The following ATP6V1C2 variants were observed in gnomAD, a reference collection of about 807,000 sequenced individuals.
ATP6V1C2 encodes the protein ATPase H+ transporting V1 subunit C2.
A neutral mutation model predicts 56.8 loss-of-function variants in ATP6V1C2; 45 were observed. The ratio of observed to expected loss-of-function variants is 0.79; its 90% CI spans 0.62 to 1.02. The LOEUF is 1.02. Among genes scored for constraint, ATP6V1C2 ranks in the 50% least tolerant of loss-of-function variants. The probability of loss-of-function intolerance (pLI) is 0.00; values close to 1 mark genes in which losing one functional copy is unlikely to be tolerated. For synonymous variants in ATP6V1C2, 220 were observed against 201.3 expected (o/e 1.09, Z -0.79); for missense variants, 463 against 519.7 (o/e 0.89, Z 1.06).
intron 3 of ATP6V1C2, among the ~76,000 whole-genome samples, chr2:10,735,537 C>T (rs1219119181): frequency 1.3e-5 from 2 of 151,350 alleles, no homozygotes; most frequent in African/African-American, 2.4e-5. Context: ...TGGGCTGGAG[C>T]TCTAGAGAAT....
At position 10,768,859 on chromosome 2, in the gene ATP6V1C2, G is replaced by A. The variant is rs536806074; in HGVS notation, c.470+49G>A. ...TCTGGCGGGGGCAGGTCCTGGCGGG[G>A]GCTTAGCGCTTGCCTGTCCTCTCAC... On this transcript the variant is annotated intron_variant, in intron 6 of 13. Coordinates refer to ENST00000272238, the MANE Select transcript of ATP6V1C2 (RefSeq NM_001039362.2). 7.3e-6 allele frequency: 11 copies of A among 1,515,764 alleles called. No homozygotes were observed. The East Asian group carries it at 2.5e-4, about 34-fold the overall frequency. The allele number at this position is 1,515,764 out of a possible 1,614,324, so 93.9% of individuals were successfully genotyped here. A position where few individuals can be genotyped will look rare whatever the true frequency, so the allele number is the denominator to read the frequency against.
chr2:10,731,292 T>C (rs531423836), intron 3 of ATP6V1C2, among the ~76,000 whole-genome samples: 1 of 152,318 alleles, frequency 6.6e-6, no homozygotes, highest in African/African-American at 2.4e-5. Flanking sequence ...TTTGGCTCTC[T>C]CATTCATAAA....
chr2:10,758,441 A>G lies in ATP6V1C2; in HGVS notation c.283+4375A>G, dbSNP rs1299240227. 1.4e-4 allele frequency among the ~76,000 whole-genome samples: 21 copies of G among 152,220 alleles called. No homozygotes were observed. In the East Asian group the frequency reaches 3.9e-3, roughly 28 times the overall value. Reference sequence around the variant, plus strand: ...AGTCGGGTCTCAACTTCCCAAGACTAGAGCTGGTAAAGCACATTCTGAAGC... The same window carrying G: ...AGTCGGGTCTCAACTTCCCAAGACTGGAGCTGGTAAAGCACATTCTGAAGC... On this transcript the variant is annotated intron_variant, in intron 4 of 13. Transcript: ENST00000272238.
In ATP6V1C2 at chr2:10,721,742, A is replaced by G. The variant is rs1661369142; in HGVS notation, c.-27+11A>G. 6.6e-6 allele frequency: 1 copy of G among 151,986 alleles called. No individual in the cohort carries two copies. Among genetic ancestry groups the G allele is most frequent in the African/African-American group, 2.4e-5 (1 of 41,352 alleles). The allele number at this position is 151,986 out of a possible 1,614,324, so 9.4% of individuals were successfully genotyped here. ...CCCCGCCGGCTCCCGGTAAGGACGC[A>G]CCGCGGAGCGGGGACCCGAGGCAGG... On this transcript the variant is annotated intron_variant, in intron 1 of 13. Coordinates refer to ENST00000272238, the MANE Select transcript of ATP6V1C2 (RefSeq NM_001039362.2).
At chr2:10,775,703 A>C (rs1664920553) in intron 10 of ATP6V1C2, among the ~76,000 whole-genome samples, 1 of 152,100 alleles carries the variant, frequency 6.6e-6, no homozygotes, top group African/African-American at 2.4e-5. Flanking sequence ...GAGCTTTGGG[A>C]AGGTCCCTCC....
rs532975981 is a variant in ATP6V1C2 at position 10,782,159 on chromosome 2, G to A, written c.1062-84G>A. 1.9e-4 allele frequency: 294 copies of A among 1,514,148 alleles called. 1 individual carries two copies. The African/African-American group carries it at 3.4e-3, about 17-fold the overall frequency. 93.8% of individuals were successfully genotyped at this position (1,514,148 alleles called of 1,614,324 possible). On this transcript the variant is annotated intron_variant, in intron 12 of 13. Transcript: ENST00000272238. ...GTGTTGGTTGAAGCTTTTCACCCTC[G>A]GAATGTACTGTTTCTGGTCAGGTTC...
In ATP6V1C2 at chr2:10,783,266, A is replaced by G. The variant is rs1453682007; in HGVS notation, c.*3A>G. On this transcript the variant is annotated 3_prime_UTR_variant, in exon 14 of 14. Coordinates refer to ENST00000272238, the MANE Select transcript of ATP6V1C2 (RefSeq NM_001039362.2). ...TTGACCTTAGTCTTCTTGACTAGAA[A>G]GGCCAGCTGGCACCTCTGTCTCATG... The G allele has an allele frequency of 6.2e-7, 1 of 1,602,606 alleles. No homozygotes were observed. The highest frequency in any genetic ancestry group is 1.7e-5 in the Admixed American group (1 of 59,984).
chr2:10,771,419 C>T (rs1025074741), intron 6 of ATP6V1C2, among the ~76,000 whole-genome samples: 17 of 152,200 alleles, frequency 1.1e-4, no homozygotes, highest in African/African-American at 3.6e-4. Flanking sequence ...GGAGCTCTAT[C>T]GAGGACGGCT....
At position 10,778,561 on chromosome 2, in the gene ATP6V1C2, T is replaced by G. The variant is rs1244688751; in HGVS notation, c.964-11T>G. ...TTCAGCAGGGGTCACCTGGCTCTTCTGTCTTTGCAGGGCCCCCTGCTGCGC... is the reference window on the plus strand; with the variant it reads ...TTCAGCAGGGGTCACCTGGCTCTTCGGTCTTTGCAGGGCCCCCTGCTGCGC... On this transcript the variant is annotated splice_polypyrimidine_tract_variant and intron_variant, in intron 11 of 13. Coordinates refer to ENST00000272238, the MANE Select transcript of ATP6V1C2 (RefSeq NM_001039362.2). 6.2e-7 allele frequency: 1 copy of G among 1,613,676 alleles called. No individual in the cohort carries two copies. The highest frequency in any genetic ancestry group is 8.5e-7 in the Non-Finnish European group (1 of 1,179,740).
intron 2 of ATP6V1C2, among the ~76,000 whole-genome samples, chr2:10,725,578 T>C (rs1661596370): frequency 7.7e-6 from 1 of 129,834 alleles, no homozygotes. Flanking sequence ...CACTGCAACC[T>C]CCACCTCCGA....
rs369645509 is a variant in ATP6V1C2, at chr2:10,778,674, G to A, written c.1061+5G>A. The A allele has an allele frequency of 7.3e-5, 118 of 1,613,950 alleles. No homozygotes were observed. The highest frequency in any genetic ancestry group is 4.0e-4 in the East Asian group (18 of 44,882). On this transcript the variant is annotated splice_donor_5th_base_variant and intron_variant, in intron 12 of 13. Coordinates refer to ENST00000272238, the MANE Select transcript of ATP6V1C2 (RefSeq NM_001039362.2). ...GTTTGTGGAGTCCGTGCTCAGGTGCGTGGCAGTGATGCCCCGGCTGGGACT... is the reference window on the plus strand; with the variant it reads ...GTTTGTGGAGTCCGTGCTCAGGTGCATGGCAGTGATGCCCCGGCTGGGACT...
chr2:10,732,975 A>AG, intron 3 of ATP6V1C2, among the ~76,000 whole-genome samples: 1 of 152,040 alleles, frequency 6.6e-6, no homozygotes, highest in East Asian at 1.9e-4. Context: ...CTCAAAAAAA[A>AG]AAAAAGAAAA....
intron 4 of ATP6V1C2, among the ~76,000 whole-genome samples, chr2:10,759,435 G>C (rs1663760498): frequency 6.6e-6 from 1 of 152,172 alleles, no homozygotes; most frequent in East Asian, 1.9e-4. Context: ...CCCTCATGCT[G>C]CTGCCTGCCG....
chr2:10,763,801 C>T lies in ATP6V1C2; in HGVS notation c.284-530C>T, dbSNP rs1365563232. Among the ~76,000 whole-genome samples, 1 of 152,170 alleles carries T rather than the reference C, an allele frequency of 6.6e-6. No homozygotes were observed. The highest frequency in any genetic ancestry group is 1.9e-4 in the East Asian group (1 of 5,200). On this transcript the variant is annotated intron_variant, in intron 4 of 13. Transcript: ENST00000272238. The surrounding 1 kb of genome is among the most constrained non-coding windows in gnomAD (Gnocchi z 4.2). ...GTAGGGAAATTGATTCCCTCCTAGC[C>T]TAGAGCCCTGGGGGTTGAGTCAGCT...
At position 10,784,335 on chromosome 2, in the gene ATP6V1C2, C is replaced by G. The variant is rs747146777; in HGVS notation, c.*1072C>G. 5 of 1,610,440 alleles carry G rather than the reference C, an allele frequency of 3.1e-6. No homozygotes were observed. Among genetic ancestry groups the G allele is most frequent in the Non-Finnish European group, 4.2e-6 (5 of 1,178,416 alleles). ...TCATCCTCCACGGGAAGCTGGGAGA[C>G]GACAGAAAGCCACTGTTAGATCTGC... On this transcript the variant is annotated 3_prime_UTR_variant, in exon 14 of 14. Transcript: ENST00000272238.
chr2:10,739,582 T>TCCCAGAAGACTGCTCA (rs1375460748), intron 3 of ATP6V1C2, among the ~76,000 whole-genome samples: 11 of 151,920 alleles, frequency 7.2e-5, no homozygotes, highest in Non-Finnish European at 1.3e-4. Flanking sequence ...ATCGACCCGA[T>TCCCAGAAGACTGCTCA]CCCAGAAGAC....
intron 3 of ATP6V1C2, among the ~76,000 whole-genome samples, chr2:10,733,694 C>G (rs1056513218): frequency 6.6e-6 from 1 of 151,984 alleles, no homozygotes; most frequent in African/African-American, 2.4e-5. Flanking sequence ...TTCACAGTAT[C>G]TTAGCCTGTT....
At position 10,762,834 on chromosome 2, in the gene ATP6V1C2, GTCC is replaced by G. The variant is rs201771776; in HGVS notation, c.284-1491_284-1489del. 9.5e-3 allele frequency among the ~76,000 whole-genome samples: 1,440 copies of G among 152,068 alleles called. 28 individuals carry two copies. Among genetic ancestry groups the G allele is most frequent in the African/African-American group, 0.034 (1,401 of 41,468 alleles). On this transcript the variant is annotated intron_variant, in intron 4 of 13. Transcript: ENST00000272238. Reference sequence around the variant, plus strand: ...CACCCTGTCTAGTCGGTCCTCCCCTGTCCTCCTCTCCCCTCCCAGGGCTCCTCC... The same window carrying G: ...CACCCTGTCTAGTCGGTCCTCCCCTGTCCTCTCCCCTCCCAGGGCTCCTCC...
At chr2:10,725,050 C>G (rs1661565932) in intron 2 of ATP6V1C2, among the ~76,000 whole-genome samples, 1 of 151,964 alleles carries the variant, frequency 6.6e-6, no homozygotes, top group Non-Finnish European at 1.5e-5. Context: ...TGATAGCAAC[C>G]CTTTTCTTTC....
Sources: gnomAD v4.1 joint callset for allele counts (sites outside exome capture counted in the v4.1 genomes callset) on GRCh38, gnomAD v4.1.1 for gene constraint, Gnocchi (gnomAD v3.1) non-coding constraint, MANE v1.5 for transcripts, NCBI Gene and HGNC (gene_info 2026-07-23, HGNC 2026-07-21) for gene names.